The following GABRB3 variants were observed in gnomAD, a reference collection of about 807,000 sequenced individuals.
GABRB3 encodes the protein gamma-aminobutyric acid receptor subunit beta-3.
Under a neutral mutation model 52.1 loss-of-function variants are expected in GABRB3, and 14 were observed. The ratio of observed to expected loss-of-function variants is 0.27; its 90% CI spans 0.18 to 0.42. The LOEUF is 0.42. Among genes scored for constraint, GABRB3 ranks in the 10% least tolerant of loss-of-function variants. GABRB3 has a pLI of 1.00. For missense variants in GABRB3, 307 were observed against 609.1 expected, an observed-to-expected ratio of 0.50 and a Z score of 5.22; for synonymous variants, 260 against 232.3, an observed-to-expected ratio of 1.12 and a Z score of -1.08.
At chr15:26,738,046 T>G (rs896181759) in intron 3 of GABRB3, among the ~76,000 whole-genome samples, 21 of 152,194 alleles carry the variant, frequency 1.4e-4, no homozygotes, top group African/African-American at 5.1e-4. Flanking sequence ...TGAAGAGTCT[T>G]CGGCTTATGT....
chr15:26,577,941 G>A (rs901974659), intron 6 of GABRB3, among the ~76,000 whole-genome samples: 3 of 152,116 alleles, frequency 2.0e-5, no homozygotes, highest in African/African-American at 7.2e-5. Flanking sequence ...TGCTGCCACC[G>A]TGGCCTGACT....
At chr15:26,748,944 T>C (rs1172055468) in intron 3 of GABRB3, among the ~76,000 whole-genome samples, 1 of 152,182 alleles carries the variant, frequency 6.6e-6, no homozygotes, top group East Asian at 1.9e-4. Context: ...GAGAATCACT[T>C]GAACCCAAAT....
At chr15:26,674,220 G>A (rs972912992) in intron 3 of GABRB3, among the ~76,000 whole-genome samples, 10 of 151,332 alleles carry the variant, frequency 6.6e-5, no homozygotes, top group Admixed American at 2.0e-4. Flanking sequence ...TGGCCCACAC[G>A]GTAAAACACT....
intron 3 of GABRB3, among the ~76,000 whole-genome samples, chr15:26,731,785 A>G (rs916374438): frequency 6.6e-6 from 1 of 152,236 alleles, no homozygotes; most frequent in Non-Finnish European, 1.5e-5. Context: ...GAAAAAGCAG[A>G]TCCTGCATAC....
chr15:26,702,809 T>C (rs1409912788), intron 3 of GABRB3, among the ~76,000 whole-genome samples: 1 of 152,366 alleles, frequency 6.6e-6, no homozygotes, highest in East Asian at 1.9e-4. Flanking sequence ...AGACAGCCTG[T>C]CTTAATCCAT....
intron 6 of GABRB3, among the ~76,000 whole-genome samples, chr15:26,568,653 A>G (rs1408495930): frequency 2.3e-5 from 3 of 128,224 alleles, no homozygotes; most frequent in Non-Finnish European, 3.4e-5. Context: ...GCCTGCCACC[A>G]TGCCCAGCTA....
At chr15:26,682,386 G>A (rs1196736453) in intron 3 of GABRB3, among the ~76,000 whole-genome samples, 1 of 152,176 alleles carries the variant, frequency 6.6e-6, no homozygotes, top group East Asian at 1.9e-4. Context: ...CTGGCACAGA[G>A]CACATAAAGC....
intron 4 of GABRB3, among the ~76,000 whole-genome samples, chr15:26,594,315 T>C (rs1410626147): frequency 2.6e-5 from 4 of 152,072 alleles, no homozygotes; most frequent in Admixed American, 2.6e-4. Context: ...ATCATTATAA[T>C]GCGGTCACTC....
chr15:26,742,571 C>T (rs936059535), intron 3 of GABRB3, among the ~76,000 whole-genome samples: 1 of 152,208 alleles, frequency 6.6e-6, no homozygotes, highest in African/African-American at 2.4e-5. Context: ...AGTAGACTAT[C>T]CCTTTGCCAA....
At chr15:26,603,143 C>G (rs1051489417) in intron 4 of GABRB3, among the ~76,000 whole-genome samples, 1 of 151,810 alleles carries the variant, frequency 6.6e-6, no homozygotes, top group Non-Finnish European at 1.5e-5. Flanking sequence ...AACTATTTAC[C>G]AATAAACTGA....
chr15:26,669,805 G>A (rs908849210), intron 3 of GABRB3, among the ~76,000 whole-genome samples: 1 of 152,090 alleles, frequency 6.6e-6, no homozygotes, highest in African/African-American at 2.4e-5. Flanking sequence ...CCCACTCCCT[G>A]TAAGAGCTCT....
intron 6 of GABRB3, among the ~76,000 whole-genome samples, chr15:26,568,500 C>CT (rs11419760): frequency 0.37 from 51,180 of 137,414 alleles, 10,171 homozygotes; most frequent in Non-Finnish European, 0.44. Flanking sequence ...GTTTTCCTTT[C>CT]TTTTTTTTTT....
chr15:26,557,148 A>G (rs748950383), intron 8 of GABRB3, among the ~76,000 whole-genome samples: 2 of 152,222 alleles, frequency 1.3e-5, no homozygotes, highest in Non-Finnish European at 2.9e-5. Context: ...GCTGGAGGAC[A>G]TTATCCTAAG....
At chr15:26,682,592 G>A (rs1888272787) in intron 3 of GABRB3, among the ~76,000 whole-genome samples, 1 of 152,216 alleles carries the variant, frequency 6.6e-6, no homozygotes, top group Non-Finnish European at 1.5e-5. Flanking sequence ...AGGGAATTTG[G>A]AGTTCTGAGT....
At chr15:26,645,980 AC>A (rs567281007) in intron 3 of GABRB3, among the ~76,000 whole-genome samples, 1,721 of 152,070 alleles carry the variant, frequency 0.011, 18 homozygotes, top group Non-Finnish European at 0.017. Flanking sequence ...CAAAAAAAAA[AC>A]AATATATGAA....
At chr15:26,681,172 T>C (rs1888228141) in intron 3 of GABRB3, among the ~76,000 whole-genome samples, 1 of 152,238 alleles carries the variant, frequency 6.6e-6, no homozygotes, top group Admixed American at 6.5e-5. Flanking sequence ...ATTTCTAATA[T>C]TAGAAATGGA....
chr15:26,561,811 A>C (rs1003759567), intron 7 of GABRB3, among the ~76,000 whole-genome samples: 2 of 152,270 alleles, frequency 1.3e-5, no homozygotes, highest in Non-Finnish European at 2.9e-5. Context: ...AGATGATCTC[A>C]GAGAGCGACT....
intron 6 of GABRB3, among the ~76,000 whole-genome samples, chr15:26,572,645 G>C (rs1352133619): frequency 1.3e-5 from 2 of 152,362 alleles, no homozygotes; most frequent in East Asian, 3.9e-4. Flanking sequence ...AAACTCCCAA[G>C]TGATCACAGC....
At chr15:26,587,122 C>A (rs988354541) in intron 4 of GABRB3, among the ~76,000 whole-genome samples, 2 of 152,148 alleles carry the variant, frequency 1.3e-5, no homozygotes, top group Non-Finnish European at 2.9e-5. Context: ...ACATTAGATT[C>A]ATAAATCGTA....
Sources: allele counts gnomAD v4.1 joint callset (sites outside exome capture counted in the v4.1 genomes callset), GRCh38; gene constraint gnomAD v4.1.1; transcripts MANE v1.5; gene names NCBI Gene and HGNC (gene_info 2026-07-23, HGNC 2026-07-21).